The following TEX2 variants were observed in gnomAD, a reference collection of about 807,000 sequenced individuals.
TEX2 encodes testis expressed 2.
Under a neutral mutation model 106.9 loss-of-function variants are expected in TEX2, and 53 were observed. The ratio of observed to expected loss-of-function variants is 0.50; its 90% CI spans 0.40 to 0.62. The LOEUF (loss-of-function observed/expected upper bound fraction) is 0.62. Ranked by LOEUF, TEX2 falls within the 20% of genes least tolerant of loss-of-function variation. The probability of loss-of-function intolerance (pLI) is 0.00; values close to 1 mark genes in which losing one functional copy is unlikely to be tolerated. For missense variants in TEX2, 1,207 were observed against 1,379.0 expected (o/e 0.88, Z 1.98); for synonymous variants, 523 against 534.8 (o/e 0.98, Z 0.30).
chr17:64,202,101 A>G (rs200097628), intron 2 of TEX2, among the ~76,000 whole-genome samples: 1 of 35,232 alleles, frequency 2.8e-5, no homozygotes, highest in South Asian at 1.2e-3. Context: ...GTAAAAATGC[A>G]CAAAATAGCA....
chr17:64,252,417 A>G (rs1555637110), intron 1 of TEX2, among the ~76,000 whole-genome samples: 1 of 152,078 alleles, frequency 6.6e-6, no homozygotes, highest in Non-Finnish European at 1.5e-5. Context: ...GGCTCAAGCA[A>G]TCCTCCCACC....
Position 64,217,564 on chromosome 17 carries a change from C to A in TEX2, c.-25-3322G>T, listed in dbSNP as rs1443097105. 6.6e-6 allele frequency among the ~76,000 whole-genome samples: 1 copy of A among 152,216 alleles called. No homozygotes were observed. The highest frequency in any genetic ancestry group is 6.5e-5 in the Admixed American group (1 of 15,286). On this transcript the variant is annotated intron_variant, in intron 1 of 11. Coordinates refer to ENST00000584379, the MANE Select transcript of TEX2 (RefSeq NM_001288732.2). This position sits in a 1 kb window ranked among gnomAD's most constrained non-coding sequence, Gnocchi z 4.3. ...ACTTACAAGCTAAGACCTCAGTTCT[C>A]AACCAGCAGCATGTGACTGGCCGCA...
chr17:64,156,622 T>TGA (rs1187304957), intron 8 of TEX2, among the ~76,000 whole-genome samples: 1 of 152,148 alleles, frequency 6.6e-6, no homozygotes, highest in East Asian at 1.9e-4. Context: ...GGGTCTTGGG[T>TGA]GAGGAAAGTC....
chr17:64,179,744 T>G (rs976052079), intron 5 of TEX2, among the ~76,000 whole-genome samples: 4 of 149,352 alleles, frequency 2.7e-5, no homozygotes, highest in African/African-American at 9.9e-5. Context: ...AAAGGTCTCC[T>G]TTATGAACGT....
chr17:64,147,453 T>G lies in TEX2; in HGVS notation c.*1516A>C, dbSNP rs1020479877. The G allele has an allele frequency of 1.3e-5, 2 of 152,184 alleles. No homozygotes were observed. The highest frequency in any genetic ancestry group is 4.8e-5 in the African/African-American group (2 of 41,430). The allele number at this position is 152,184 out of a possible 1,614,324, so 9.4% of individuals were successfully genotyped here. Reference sequence around the variant, plus strand: ...GCTTATCTAGTATTTGACATTGAGATATTTATTTTGTGAAACAATGCAAGC... The same window carrying G: ...GCTTATCTAGTATTTGACATTGAGAGATTTATTTTGTGAAACAATGCAAGC... On this transcript the variant is annotated 3_prime_UTR_variant, in exon 12 of 12. Transcript: ENST00000584379.
At chr17:64,168,086 G>A (rs1465124790) in intron 7 of TEX2, among the ~76,000 whole-genome samples, 1 of 152,104 alleles carries the variant, frequency 6.6e-6, no homozygotes, top group African/African-American at 2.4e-5. Flanking sequence ...ATAGGAGGTG[G>A]CGCTCCTTAG....
At chr17:64,253,300 A>C (rs1324387113) in intron 1 of TEX2, among the ~76,000 whole-genome samples, 1 of 148,194 alleles carries the variant, frequency 6.7e-6, no homozygotes, top group African/African-American at 2.5e-5. Context: ...CACCAAACCC[A>C]GCTAATTTTA....
chr17:64,232,738 A>T (rs1036906738), intron 1 of TEX2, among the ~76,000 whole-genome samples: 1 of 152,238 alleles, frequency 6.6e-6, no homozygotes, highest in Non-Finnish European at 1.5e-5. Context: ...CCTTCCATAC[A>T]GGGTTGCAAT....
chr17:64,158,998 C>T (rs1273750335), intron 8 of TEX2, among the ~76,000 whole-genome samples: 1 of 152,230 alleles, frequency 6.6e-6, no homozygotes, highest in Non-Finnish European at 1.5e-5. Context: ...AATACCATCA[C>T]ATTCCTAAAG....
intron 6 of TEX2, among the ~76,000 whole-genome samples, chr17:64,171,496 G>C (rs1432238086): frequency 1.3e-5 from 2 of 151,990 alleles, no homozygotes; most frequent in Non-Finnish European, 2.9e-5. Flanking sequence ...CATCAAGCAG[G>C]TAATGGGCAG....
intron 2 of TEX2, among the ~76,000 whole-genome samples, chr17:64,199,006 G>C (rs572451681): frequency 6.6e-6 from 1 of 152,300 alleles, no homozygotes; most frequent in Admixed American, 6.5e-5. Flanking sequence ...CTGAGAAATA[G>C]AGTAAAGTAA....
In TEX2 at chr17:64,217,805, T is replaced by C. The variant is rs536929631; in HGVS notation, c.-25-3563A>G. On this transcript the variant is annotated intron_variant, in intron 1 of 11. Coordinates refer to ENST00000584379, the MANE Select transcript of TEX2 (RefSeq NM_001288732.2). This position sits in a 1 kb window ranked among gnomAD's most constrained non-coding sequence, Gnocchi z 4.3. ...TCCAGCAGACTACAAAGCCCTTGGGTTTTAACACTGACCCCCCAAGCCTTG... is the reference window on the plus strand; with the variant it reads ...TCCAGCAGACTACAAAGCCCTTGGGCTTTAACACTGACCCCCCAAGCCTTG... Among the ~76,000 whole-genome samples the C allele has an allele frequency of 6.6e-6, 1 of 152,250 alleles. No homozygotes were observed. The highest frequency in any genetic ancestry group is 2.4e-5 in the African/African-American group (1 of 41,556).
At chr17:64,166,876 G>A (rs145340805) in intron 7 of TEX2, among the ~76,000 whole-genome samples, 2,538 of 152,320 alleles carry the variant, frequency 0.017, 37 homozygotes, top group South Asian at 0.03. Flanking sequence ...GATGAGGGCT[G>A]GGTAGAGGAG....
intron 2 of TEX2, among the ~76,000 whole-genome samples, chr17:64,207,928 G>A (rs1391443678): frequency 1.3e-5 from 2 of 152,090 alleles, no homozygotes; most frequent in African/African-American, 2.4e-5. Flanking sequence ...AGTAGAGACA[G>A]GATTTCACTG....
Position 64,148,508 on chromosome 17 carries a change from G to GAC in TEX2, c.*459_*460dup, listed in dbSNP as rs145822531. On this transcript the variant is annotated 3_prime_UTR_variant, in exon 12 of 12. Coordinates refer to ENST00000584379, the MANE Select transcript of TEX2 (RefSeq NM_001288732.2). ...ACAGAATTCCTCTCCCCACCCTCCA[G>GAC]ACACATTGCACACTGACATTCTCTG... is the stretch of plus-strand genomic sequence containing the variant. 586 of 154,980 alleles carry GAC rather than the reference G, an allele frequency of 3.8e-3. 7 individuals carry two copies. Among genetic ancestry groups the GAC allele is most frequent in the African/African-American group, 0.013 (544 of 41,588 alleles). 9.6% of individuals were successfully genotyped at this position (154,980 alleles called of 1,614,324 possible).
rs886156235 is a variant in TEX2 at position 64,195,717 on chromosome 17, G to C, written c.1645-622C>G. Among the ~76,000 whole-genome samples the C allele has an allele frequency of 2.0e-5, 3 of 152,170 alleles. No homozygotes were observed. The highest frequency in any genetic ancestry group is 6.5e-5 in the Admixed American group (1 of 15,280). ...CTTAAATGGGTAAAATTGTGCTCCA[G>C]GTCCCCCTGCCAAATTGGACATAAA... On this transcript the variant is annotated intron_variant, in intron 2 of 11. Coordinates refer to ENST00000584379, the MANE Select transcript of TEX2 (RefSeq NM_001288732.2). This position sits in a 1 kb window ranked among gnomAD's most constrained non-coding sequence, Gnocchi z 4.1.
At chr17:64,193,463 G>GGTT in intron 4 of TEX2, 96 bp downstream of exon 4, 4 of 993,984 alleles carry the variant, frequency 4.0e-6, no homozygotes, top group Non-Finnish European at 5.6e-6. Context: ...TTCAGGGTGG[G>GGTT]CTTCCTTCCT....
At chr17:64,221,546 A>G (rs1390144895) in intron 1 of TEX2, among the ~76,000 whole-genome samples, 6 of 152,200 alleles carry the variant, frequency 3.9e-5, no homozygotes, top group Non-Finnish European at 7.3e-5. Context: ...GAAGAAAAGA[A>G]GTGTTGGCAA....
chr17:64,223,992 C>T lies in TEX2; in HGVS notation c.-25-9750G>A, dbSNP rs541185544. On this transcript the variant is annotated intron_variant, in intron 1 of 11. Transcript: ENST00000584379. The stretch of plus-strand genomic sequence containing the variant: ...CTGGTGTCGAGTGTGCTTCCTTTCT[C>T]GGGACCATCCCTAATCCTTCAAGGT... 2.6e-5 allele frequency among the ~76,000 whole-genome samples: 4 copies of T among 152,316 alleles called. No homozygotes were observed. The South Asian group carries it at 6.2e-4, about 24-fold the overall frequency.
Sources: gnomAD v4.1 joint callset for allele counts (sites outside exome capture counted in the v4.1 genomes callset) on GRCh38, gnomAD v4.1.1 for gene constraint, Gnocchi (gnomAD v3.1) non-coding constraint, MANE v1.5 for transcripts, NCBI Gene and HGNC (gene_info 2026-07-23, HGNC 2026-07-21) for gene names.